The following MFN1 variants were observed in gnomAD, a reference collection of about 807,000 sequenced individuals.
MFN1 encodes the protein mitofusin 1, also known as mitofusin-1.
MFN1 carries 65 observed loss-of-function variants against 92.4 expected under a neutral mutation model. The ratio of observed to expected loss-of-function variants is 0.70; its 90% CI spans 0.58 to 0.86. The LOEUF (loss-of-function observed/expected upper bound fraction) is 0.86, where lower values mean the gene tolerates loss of function less well. Ranked by LOEUF, MFN1 falls within the 40% of genes least tolerant of loss-of-function variation. The probability of loss-of-function intolerance (pLI) is 0.00; values close to 1 mark genes in which losing one functional copy is unlikely to be tolerated. For missense variants in MFN1, 781 were observed against 868.0 expected, an observed-to-expected ratio of 0.90 and a Z score of 1.26; for synonymous variants, 297 against 300.9, an observed-to-expected ratio of 0.99 and a Z score of 0.13.
intron 7 of MFN1, among the ~76,000 whole-genome samples, chr3:179,365,632 C>T (rs535598581): frequency 6.6e-5 from 10 of 152,268 alleles, no homozygotes; most frequent in Admixed American, 1.3e-4. Flanking sequence ...ATTCTGAACA[C>T]CCCAGAACCT....
intron 7 of MFN1, among the ~76,000 whole-genome samples, chr3:179,366,801 T>G (rs1008771781): frequency 1.4e-4 from 21 of 152,238 alleles, no homozygotes; most frequent in African/African-American, 5.1e-4. Flanking sequence ...GCCATAATAC[T>G]AAAGACTAGT....
intron 3 of MFN1, among the ~76,000 whole-genome samples, chr3:179,355,083 C>A (rs1453421414): frequency 6.6e-6 from 1 of 152,254 alleles, no homozygotes. Context: ...AGGTGTGAGC[C>A]CCCGTGCCCA....
At chr3:179,378,863 T>C (rs761395198) in intron 14 of MFN1, 49 bp downstream of exon 14, 2 of 1,399,354 alleles carry the variant, frequency 1.4e-6, no homozygotes. Flanking sequence ...ATTATTTTGT[T>C]TATGTGGTTT....
At chr3:179,348,734 G>A (rs1414332589) in intron 1 of MFN1, 111 bp from the exon 2 acceptor site, 3 of 1,464,596 alleles carry the variant, frequency 2.0e-6, no homozygotes, top group Admixed American at 2.0e-5. Context: ...AAAACATTTT[G>A]CCAGCATAAT....
intron 15 of MFN1, 149 bp from the exon 16 acceptor site, chr3:179,386,284 G>C: frequency 1.6e-6 from 1 of 622,226 alleles, no homozygotes. Context: ...TTGATTTCTG[G>C]TAACTTCAGG....
chr3:179,375,824 A>G lies in MFN1; in HGVS notation c.1097+483A>G, dbSNP rs567282507. ...CTGCCAACCAGAAAGTTGATTTGGTAAGCAGTACCCTTTATGTTATACTGT... is the reference window on the plus strand; with the variant it reads ...CTGCCAACCAGAAAGTTGATTTGGTGAGCAGTACCCTTTATGTTATACTGT... On this transcript the variant is annotated intron_variant, in intron 10 of 17. Transcript: ENST00000471841. 3.7e-4 allele frequency among the ~76,000 whole-genome samples: 57 copies of G among 152,324 alleles called. 1 individual carries two copies. The highest frequency in any genetic ancestry group is 2.9e-3 in the South Asian group (14 of 4,822).
intron 3 of MFN1, among the ~76,000 whole-genome samples, chr3:179,356,126 A>G (rs755892222): frequency 6.6e-6 from 1 of 152,192 alleles, no homozygotes; most frequent in Non-Finnish European, 1.5e-5. Context: ...TTTAATGACA[A>G]CTGAATTTAT....
At chr3:179,382,681 C>T (rs1226724766) in intron 14 of MFN1, among the ~76,000 whole-genome samples, 2 of 152,190 alleles carry the variant, frequency 1.3e-5, no homozygotes, top group Non-Finnish European at 2.9e-5. Context: ...AGTTTACAGT[C>T]CCACCAACAG....
chr3:179,360,613 G>T lies in MFN1; in HGVS notation c.411+1611G>T, dbSNP rs114086849. On this transcript the variant is annotated intron_variant, in intron 4 of 17. Transcript: ENST00000471841. ...GCAAAATGTTGACTCTGGACTGAAA[G>T]CAGTTAGTTAAGGCACTGTTTCTCA... Among the ~76,000 whole-genome samples the T allele has an allele frequency of 6.4e-3, 977 of 151,930 alleles. 13 individuals are homozygous for T. The highest frequency in any genetic ancestry group is 0.023 in the African/African-American group (940 of 41,448).
chr3:179,361,885 C>T (rs1388842148), intron 4 of MFN1, among the ~76,000 whole-genome samples: 1 of 152,180 alleles, frequency 6.6e-6, no homozygotes, highest in African/African-American at 2.4e-5. Flanking sequence ...TTTTCTGTTT[C>T]TGCATTAATT....
In MFN1 at chr3:179,378,631, T is replaced by C. The variant is rs1387506710; in HGVS notation, c.1479T>C (p.His493=). The C allele has an allele frequency of 6.2e-7, 1 of 1,613,632 alleles. No homozygotes were observed. The highest frequency in any genetic ancestry group is 1.7e-5 in the Admixed American group (1 of 59,992). The change falls in exon 14 of 18, where the codon CAT becomes CAC. Residue 493 remains histidine, a synonymous_variant. Transcript: ENST00000471841. ...LLPAGIQDKL[H]TLIPCKKFDL... is the part of the protein sequence containing the mutation. Reference sequence around the variant, plus strand: ...CAGCTGGTATACAGGATAAACTACATACACTGATCCCTTGCAAGAAATTTG... The same window carrying C: ...CAGCTGGTATACAGGATAAACTACACACACTGATCCCTTGCAAGAAATTTG...
intron 12 of MFN1, 75 bp from the exon 13 acceptor site, chr3:179,378,266 G>T (rs886175692): frequency 9.1e-7 from 1 of 1,099,478 alleles, no homozygotes; most frequent in Non-Finnish European, 1.3e-6. Context: ...GGCATTTACT[G>T]AATATTTTAT....
At position 179,392,097 on chromosome 3, in the gene MFN1, C is replaced by T. The variant is rs375269465; in HGVS notation, c.*38C>T. 1.1e-5 allele frequency: 15 copies of T among 1,306,352 alleles called. No individual in the cohort carries two copies. Among genetic ancestry groups the T allele is most frequent in the South Asian group, 3.7e-5 (3 of 80,122 alleles). The allele number at this position is 1,306,352 out of a possible 1,614,324, so 80.9% of individuals were successfully genotyped here. Reference sequence around the variant, plus strand: ...CTTTGGTGACCATGATAGGAGGAAACGAAACTTGTAAGATTGGAACAGTTG... The same window carrying T: ...CTTTGGTGACCATGATAGGAGGAAATGAAACTTGTAAGATTGGAACAGTTG... On this transcript the variant is annotated 3_prime_UTR_variant, in exon 18 of 18. Transcript: ENST00000471841.
intron 3 of MFN1, among the ~76,000 whole-genome samples, chr3:179,353,396 T>G (rs963418571): frequency 4.0e-5 from 6 of 150,776 alleles, no homozygotes; most frequent in African/African-American, 1.5e-4. Context: ...TTATTAGAGA[T>G]AGGGTTTCAC....
chr3:179,359,840 A>G (rs989206389), intron 4 of MFN1: 30 of 152,162 alleles, frequency 2.0e-4, no homozygotes, highest in African/African-American at 7.0e-4. Flanking sequence ...TGAAAAAATA[A>G]AACTTGTCCT....
chr3:179,371,716 A>C (rs1172265761), intron 9 of MFN1, among the ~76,000 whole-genome samples: 1 of 152,184 alleles, frequency 6.6e-6, no homozygotes, highest in Non-Finnish European at 1.5e-5. Context: ...ACGTATAAAA[A>C]TAACTTATTT....
chr3:179,358,886 A>G lies in MFN1; in HGVS notation c.295A>G (p.Lys99Glu). ...TGTTATCAATGCAATGTTGTGGGATAAAGTTCTCCCTAGTGGGATTGGCCA... is the reference window on the plus strand; with the variant it reads ...TGTTATCAATGCAATGTTGTGGGATGAAGTTCTCCCTAGTGGGATTGGCCA... ...SSVINAMLWD[K>E]VLPSGIGHIT... The change falls in exon 4 of 18, where the codon AAA (lysine) becomes GAA (glutamate). Residue 99 changes from lysine (K) to glutamate (E), a missense_variant. Coordinates refer to ENST00000471841, the MANE Select transcript of MFN1 (RefSeq NM_033540.3). 6.2e-7 allele frequency: 1 copy of G among 1,614,048 alleles called. No individual in the cohort carries two copies.
At chr3:179,360,061 A>G (rs1269485894) in intron 4 of MFN1, among the ~76,000 whole-genome samples, 1 of 151,916 alleles carries the variant, frequency 6.6e-6, no homozygotes, top group Non-Finnish European at 1.5e-5. Context: ...GATTACAGGC[A>G]TGCACCACCA....
In MFN1 at chr3:179,351,885, A is replaced by G. The variant is rs751492423; in HGVS notation, c.113-15A>G. Reference sequence around the variant, plus strand: ...TCATTTATATCACTTTTCTAATGCCATTTCAATTTTGCAGCAACATATAAG... The same window carrying G: ...TCATTTATATCACTTTTCTAATGCCGTTTCAATTTTGCAGCAACATATAAG... On this transcript the variant is annotated splice_polypyrimidine_tract_variant and intron_variant, in intron 2 of 17. Transcript: ENST00000471841. The G allele has an allele frequency of 3.8e-6, 6 of 1,588,160 alleles. No homozygotes were observed. Among genetic ancestry groups the G allele is most frequent in the Non-Finnish European group, 4.3e-6 (5 of 1,161,840 alleles).
Sources: gnomAD v4.1 joint callset for allele counts (sites outside exome capture counted in the v4.1 genomes callset) on GRCh38, gnomAD v4.1.1 for gene constraint, MANE v1.5 for transcripts, NCBI Gene and HGNC (gene_info 2026-07-23, HGNC 2026-07-21) for gene names.